The following ADK variants were observed in gnomAD, a reference collection of about 807,000 sequenced individuals.
ADK encodes adenosine kinase, also known as N6,N6-dimethyladenosine kinase.
A neutral mutation model predicts 44.7 loss-of-function variants in ADK; 24 were observed. The observed-to-expected ratio is 0.54, with a 90% CI of 0.39 to 0.76. ADK has a LOEUF of 0.76. Among genes scored for constraint, ADK ranks in the 30% least tolerant of loss-of-function variants. The pLI, the probability that ADK is intolerant of heterozygous loss-of-function variation, is 0.00. For synonymous variants in ADK, 128 were observed against 142.6 expected (o/e 0.90, Z 0.73); for missense variants, 321 against 425.1 (o/e 0.76, Z 2.15).
intron 4 of ADK, among the ~76,000 whole-genome samples, chr10:74,360,895 C>T (rs1171054191): frequency 2.0e-5 from 3 of 152,094 alleles, no homozygotes; most frequent in Non-Finnish European, 2.9e-5. Context: ...AATCCATTCA[C>T]CCACCCTGTG....
chr10:74,481,866 G>T (rs556821836), intron 6 of ADK, among the ~76,000 whole-genome samples: 1 of 152,272 alleles, frequency 6.6e-6, no homozygotes, highest in Non-Finnish European at 1.5e-5. Context: ...ACATATGCCA[G>T]TTCAATTAAT....
At chr10:74,236,580 A>G (rs1306390035) in intron 3 of ADK, among the ~76,000 whole-genome samples, 1 of 152,238 alleles carries the variant, frequency 6.6e-6, no homozygotes, top group Non-Finnish European at 1.5e-5. Context: ...TTTAAAGGAT[A>G]GGCCAATTTT....
At chr10:74,473,140 C>T (rs899983946) in intron 6 of ADK, among the ~76,000 whole-genome samples, 2 of 151,676 alleles carry the variant, frequency 1.3e-5, no homozygotes, top group Non-Finnish European at 1.5e-5. Flanking sequence ...CAGGTGTGCA[C>T]CACCATGCCT....
intron 4 of ADK, among the ~76,000 whole-genome samples, chr10:74,355,961 T>A (rs1044630500): frequency 6.6e-6 from 1 of 151,486 alleles, no homozygotes; most frequent in African/African-American, 2.4e-5. Context: ...TGTGTGTGTG[T>A]ATGTGTGTGT....
At chr10:74,349,644 A>AAT (rs1841892086) in intron 4 of ADK, among the ~76,000 whole-genome samples, 1 of 152,186 alleles carries the variant, frequency 6.6e-6, no homozygotes, top group Non-Finnish European at 1.5e-5. Flanking sequence ...GTCAAGATCC[A>AAT]TCGGTGTGCT....
chr10:74,200,406 C>G (rs572651834), intron 1 of ADK, among the ~76,000 whole-genome samples: 31 of 151,328 alleles, frequency 2.0e-4, no homozygotes, highest in Admixed American at 1.8e-3. Context: ...ATCACTTGAA[C>G]CTGGGAGGTG....
intron 2 of ADK, among the ~76,000 whole-genome samples, chr10:74,217,182 C>T (rs549621418): frequency 1.2e-4 from 19 of 152,358 alleles, no homozygotes; most frequent in South Asian, 4.1e-4. Flanking sequence ...TGCACTTTTC[C>T]GACGGGCTTA....
chr10:74,563,582 A>G (rs1391401441), intron 7 of ADK, among the ~76,000 whole-genome samples: 2 of 152,252 alleles, frequency 1.3e-5, no homozygotes, highest in Non-Finnish European at 2.9e-5. Flanking sequence ...CCAAAGGGCC[A>G]TGTTATTTTG....
chr10:74,415,478 T>G (rs1188146222), intron 6 of ADK, among the ~76,000 whole-genome samples: 1 of 152,222 alleles, frequency 6.6e-6, no homozygotes, highest in Non-Finnish European at 1.5e-5. Context: ...GGTATCTGTC[T>G]TCCAATATAT....
intron 3 of ADK, among the ~76,000 whole-genome samples, chr10:74,240,772 T>A (rs578241780): frequency 2.0e-5 from 3 of 152,336 alleles, no homozygotes; most frequent in Non-Finnish European, 4.4e-5. Flanking sequence ...TTATAAAGTA[T>A]ATTTGAAAAT....
chr10:74,567,486 C>A (rs913625224), intron 7 of ADK, among the ~76,000 whole-genome samples: 3 of 152,080 alleles, frequency 2.0e-5, no homozygotes, highest in African/African-American at 7.2e-5. Flanking sequence ...AATCTTAGTA[C>A]TTTCCACTCC....
chr10:74,614,455 CA>C (rs1852672212), intron 9 of ADK, among the ~76,000 whole-genome samples: 1 of 152,070 alleles, frequency 6.6e-6, no homozygotes, highest in Non-Finnish European at 1.5e-5. Flanking sequence ...AAAATTGATA[CA>C]ACTTTTCATT....
At chr10:74,434,827 A>G (rs911978790) in intron 6 of ADK, among the ~76,000 whole-genome samples, 1 of 152,176 alleles carries the variant, frequency 6.6e-6, no homozygotes, top group Non-Finnish European at 1.5e-5. Context: ...ATGGGATCCT[A>G]TACATTTTGT....
chr10:74,270,968 A>G (rs554450928), intron 3 of ADK, among the ~76,000 whole-genome samples: 2 of 152,318 alleles, frequency 1.3e-5, no homozygotes, highest in African/African-American at 2.4e-5. Context: ...ATTTCTCACA[A>G]CCAATTTTTA....
chr10:74,532,850 G>GCGGA (rs1423006890), intron 7 of ADK, among the ~76,000 whole-genome samples: 3 of 150,534 alleles, frequency 2.0e-5, no homozygotes, highest in Non-Finnish European at 4.4e-5. Flanking sequence ...AACCCAGGAG[G>GCGGA]CGGAGGTTGC....
Position 74,648,008 on chromosome 10 carries a change from C to T in ADK, c.878-22175C>T, listed in dbSNP as rs1854115366. Among the ~76,000 whole-genome samples, 3 of 152,090 alleles carry T rather than the reference C, an allele frequency of 2.0e-5. No homozygotes were observed. The South Asian group carries it at 6.2e-4, about 32-fold the overall frequency. On this transcript the variant is annotated intron_variant, in intron 9 of 10. Transcript: ENST00000539909. ...CACACTACAATTTATCTTCTTGCAT[C>T]TTCAATAGATTAAAATGCATTGTGA... is the stretch of plus-strand genomic sequence containing the variant.
Position 74,431,361 on chromosome 10 carries a change from C to T in ADK, c.555+32782C>T, listed in dbSNP as rs117539072. Among the ~76,000 whole-genome samples, 451 of 152,306 alleles carry T rather than the reference C, an allele frequency of 3.0e-3. 2 individuals carry two copies. The highest frequency in any genetic ancestry group is 5.3e-3 in the Non-Finnish European group (362 of 68,024). On this transcript the variant is annotated intron_variant, in intron 6 of 10. Transcript: ENST00000539909. ...CAAATGTTTGTGTCTGCTTAATCCG[C>T]ATATCTGTTTCTTTAGGCAAACTTG...
intron 8 of ADK, among the ~76,000 whole-genome samples, chr10:74,593,463 A>G (rs558986299): frequency 2.7e-5 from 4 of 146,348 alleles, no homozygotes; most frequent in East Asian, 4.9e-4. Context: ...AAATATGAAT[A>G]TCTAGCAATG....
intron 9 of ADK, among the ~76,000 whole-genome samples, chr10:74,618,040 A>G (rs1217982572): frequency 6.6e-6 from 1 of 151,924 alleles, no homozygotes. Context: ...CCAGCTTTCT[A>G]TTGGTTAGTG....
Sources: gnomAD v4.1 joint callset for allele counts (sites outside exome capture counted in the v4.1 genomes callset) on GRCh38, gnomAD v4.1.1 for gene constraint, MANE v1.5 for transcripts, NCBI Gene and HGNC (gene_info 2026-07-23, HGNC 2026-07-21) for gene names.